The following SORCS2 variants were observed in gnomAD, a reference collection of about 807,000 sequenced individuals.
The protein encoded by SORCS2 is VPS10 domain-containing receptor SorCS2.
In SORCS2, 100 loss-of-function variants were observed where a neutral mutation model predicts 141.6. The ratio of observed to expected loss-of-function variants is 0.71; its 90% CI spans 0.60 to 0.83. The LOEUF (loss-of-function observed/expected upper bound fraction) is 0.83. Among genes scored for constraint, SORCS2 ranks in the 40% least tolerant of loss-of-function variants. The pLI, the probability that SORCS2 is intolerant of heterozygous loss-of-function variation, is 0.00. For missense variants in SORCS2, 1,646 were observed against 1,560.2 expected (o/e 1.05, Z -0.93); for synonymous variants, 789 against 676.9 (o/e 1.17, Z -2.57).
chr4:7,661,645 C>A, intron 6 of SORCS2, 81 bp downstream of exon 6: 2 of 1,326,678 alleles, frequency 1.5e-6, no homozygotes, highest in South Asian at 1.3e-5. Context: ...TGTGTTCAGT[C>A]GCTTGTCCGC....
intron 2 of SORCS2, among the ~76,000 whole-genome samples, chr4:7,519,877 C>T (rs1020648723): frequency 2.6e-5 from 4 of 152,266 alleles, no homozygotes; most frequent in Non-Finnish European, 5.9e-5. Context: ...TGCCTGCTCT[C>T]AGCCCCACAG....
intron 2 of SORCS2, among the ~76,000 whole-genome samples, chr4:7,475,221 G>A (rs963556523): frequency 2.0e-5 from 3 of 152,152 alleles, no homozygotes; most frequent in Non-Finnish European, 4.4e-5. Context: ...CTGGGACTTG[G>A]CAGGTGGAAA....
intron 3 of SORCS2, among the ~76,000 whole-genome samples, chr4:7,536,603 C>T (rs752755791): frequency 2.0e-5 from 3 of 152,124 alleles, no homozygotes; most frequent in African/African-American, 4.8e-5. Context: ...ACTCCTCAGC[C>T]GTGCACGGCC....
At chr4:7,212,088 A>C (rs1170518408) in intron 1 of SORCS2, among the ~76,000 whole-genome samples, 1 of 152,122 alleles carries the variant, frequency 6.6e-6, no homozygotes, top group East Asian at 1.9e-4. Context: ...TATTCTTCTG[A>C]AAAGAAAAGA....
intron 2 of SORCS2, among the ~76,000 whole-genome samples, chr4:7,416,573 C>A (rs1041906340): frequency 3.3e-5 from 5 of 152,340 alleles, no homozygotes; most frequent in South Asian, 2.1e-4. Context: ...TGCACACACA[C>A]ACACATGCAG....
chr4:7,682,118 T>C (rs1723560189), intron 9 of SORCS2, among the ~76,000 whole-genome samples: 1 of 152,184 alleles, frequency 6.6e-6, no homozygotes, highest in African/African-American at 2.4e-5. Context: ...TAGTAACCAC[T>C]CTTGGATATG....
chr4:7,719,989 G>A (rs536318136), intron 18 of SORCS2, among the ~76,000 whole-genome samples: 155 of 152,256 alleles, frequency 1.0e-3, no homozygotes, highest in African/African-American at 3.3e-3. Context: ...AGGGAAGCTG[G>A]TGGGAGTGTA....
chr4:7,705,498 C>A (rs1460266550), intron 14 of SORCS2, among the ~76,000 whole-genome samples: 1 of 152,244 alleles, frequency 6.6e-6, no homozygotes, highest in Non-Finnish European at 1.5e-5. Flanking sequence ...GATTGGACAC[C>A]TGGACTTTGA....
At chr4:7,290,693 TG>T (rs1195964845) in intron 1 of SORCS2, among the ~76,000 whole-genome samples, 1 of 152,226 alleles carries the variant, frequency 6.6e-6, no homozygotes, top group Non-Finnish European at 1.5e-5. Flanking sequence ...GCATTATGTA[TG>T]TGCGTGTGTG....
chr4:7,299,556 T>C (rs951993121), intron 1 of SORCS2, among the ~76,000 whole-genome samples: 7 of 152,228 alleles, frequency 4.6e-5, no homozygotes, highest in African/African-American at 1.7e-4. Context: ...AGCGAGAGCA[T>C]GTTAGATCCT....
chr4:7,533,378 G>A (rs1029506657), intron 3 of SORCS2, among the ~76,000 whole-genome samples: 2 of 152,144 alleles, frequency 1.3e-5, no homozygotes, highest in African/African-American at 2.4e-5. Flanking sequence ...GGGGGCTGGC[G>A]CTGACCCAGA....
At chr4:7,324,141 C>T (rs1719086876) in intron 1 of SORCS2, among the ~76,000 whole-genome samples, 1 of 152,366 alleles carries the variant, frequency 6.6e-6, no homozygotes. Flanking sequence ...CCCAGGCAGT[C>T]TGGCTCTAAA....
intron 2 of SORCS2, among the ~76,000 whole-genome samples, chr4:7,409,166 C>A (rs924137328): frequency 6.6e-6 from 1 of 152,092 alleles, no homozygotes; most frequent in Non-Finnish European, 1.5e-5. Flanking sequence ...TTAAAGGATT[C>A]ATTATTTACT....
At chr4:7,686,826 G>C (rs1560483341) in intron 10 of SORCS2, among the ~76,000 whole-genome samples, 1 of 152,224 alleles carries the variant, frequency 6.6e-6, no homozygotes, top group Non-Finnish European at 1.5e-5. Context: ...GGAGAAGGGG[G>C]AGCCGTCTGT....
chr4:7,714,201 T>C, intron 15 of SORCS2, 39 bp from the exon 16 acceptor site: 1 of 1,592,610 alleles, frequency 6.3e-7, no homozygotes, highest in Non-Finnish European at 8.6e-7. Context: ...GCAGTTGCCC[T>C]GTCTCAGGCA....
At chr4:7,449,496 G>A (rs547271004) in intron 2 of SORCS2, among the ~76,000 whole-genome samples, 1 of 148,352 alleles carries the variant, frequency 6.7e-6, no homozygotes, top group Admixed American at 6.8e-5. Flanking sequence ...ACCACGTGAC[G>A]TTGTGCCTCT....
intron 3 of SORCS2, among the ~76,000 whole-genome samples, chr4:7,586,279 A>G (rs1267301447): frequency 6.6e-6 from 1 of 152,020 alleles, no homozygotes; most frequent in African/African-American, 2.4e-5. Context: ...TTCTGTTTCT[A>G]CGTTTTCATT....
intron 1 of SORCS2, among the ~76,000 whole-genome samples, chr4:7,315,063 C>A (rs988179719): frequency 6.6e-6 from 1 of 151,956 alleles, no homozygotes; most frequent in Non-Finnish European, 1.5e-5. Flanking sequence ...GAACTCCTGA[C>A]CTTAGGCCAT....
At chr4:7,697,387 G>A in intron 12 of SORCS2, 113 bp downstream of exon 12, 1 of 913,976 alleles carries the variant, frequency 1.1e-6, no homozygotes, top group Non-Finnish European at 1.6e-6. Context: ...GAGAAGCTCT[G>A]AGCCATGTCT....
Sources: gnomAD v4.1 joint callset for allele counts (sites outside exome capture counted in the v4.1 genomes callset) on GRCh38, gnomAD v4.1.1 for gene constraint, MANE v1.5 for transcripts, NCBI Gene and HGNC (gene_info 2026-07-23, HGNC 2026-07-21) for gene names.